Variants in RANBP3L observed in about 807,000 individuals in gnomAD.
RANBP3L encodes the protein RAN binding protein 3 like.
A neutral mutation model predicts 67.2 loss-of-function variants in RANBP3L; 56 were observed. The ratio of observed to expected loss-of-function variants is 0.83; its 90% confidence interval spans 0.67 to 1.04. The LOEUF (loss-of-function observed/expected upper bound fraction) is 1.04, where lower values mean the gene tolerates loss of function less well. Among genes scored for constraint, RANBP3L ranks in the 50% least tolerant of loss-of-function variants. The pLI, the probability that RANBP3L is intolerant of heterozygous loss-of-function variation, is 0.00. For synonymous variants in RANBP3L, 164 were observed against 181.4 expected, an observed-to-expected ratio of 0.90 and a Z score of 0.77; for missense variants, 496 against 535.5, an observed-to-expected ratio of 0.93 and a Z score of 0.73.
Position 36,265,039 on chromosome 5 carries a change from G to T in RANBP3L, c.400C>A (p.Arg134=), listed in dbSNP as rs267600614. 3.1e-6 allele frequency: 5 copies of T among 1,613,098 alleles called. No homozygotes were observed. Among genetic ancestry groups the T allele is most frequent in the Non-Finnish European group, 4.2e-6 (5 of 1,179,346 alleles). Residue 134 remains arginine (R), a synonymous_variant, in exon 6 of 14, where the codon CGA becomes AGA. Transcript: ENST00000296604. The part of the protein sequence containing the change: ...RPAILQLPQA[R]SCAKVRKTFG... ...GTTTTTCTTACTTTTGCACAACTTC[G>T]AGCTTGAGGTAGCTGCAAAATAGCA...
At chr5:36,256,400 G>A (rs1322827568) in intron 10 of RANBP3L, among the ~76,000 whole-genome samples, 1 of 152,066 alleles carries the variant, frequency 6.6e-6, no homozygotes, top group African/African-American at 2.4e-5. Flanking sequence ...AAAGGGTAAA[G>A]TTGTAGTAAT....
chr5:36,286,095 T>C (rs563476984), intron 1 of RANBP3L, among the ~76,000 whole-genome samples: 1 of 152,324 alleles, frequency 6.6e-6, no homozygotes, highest in East Asian at 1.9e-4. Context: ...GTTTGGGACA[T>C]TGTATGCAGT....
chr5:36,279,311 T>G (rs1400838345), intron 1 of RANBP3L, among the ~76,000 whole-genome samples: 1 of 152,184 alleles, frequency 6.6e-6, no homozygotes, highest in Admixed American at 6.6e-5. Flanking sequence ...TGTACTTGTT[T>G]CTACTTATTT....
chr5:36,249,612 G>A lies in RANBP3L; in HGVS notation c.*42C>T. On this transcript the variant is annotated 3_prime_UTR_variant, in exon 14 of 14. Coordinates refer to ENST00000296604, the MANE Select transcript of RANBP3L (RefSeq NM_145000.5). The stretch of plus-strand genomic sequence containing the variant: ...GGTGGTTTAGTATTTTCAGTAGGGT[G>A]ACCCCTCTTTTTGTAGATGTCATGT... 2 of 1,122,510 alleles carry A rather than the reference G, an allele frequency of 1.8e-6. No individual in the cohort carries two copies. The highest frequency in any genetic ancestry group is 1.6e-5 in the South Asian group (1 of 60,898). 69.5% of individuals were successfully genotyped at this position (1,122,510 alleles called of 1,614,324 possible). A position where few individuals can be genotyped will look rare whatever the true frequency, so the allele number is the denominator to read the frequency against.
intron 1 of RANBP3L, among the ~76,000 whole-genome samples, chr5:36,274,294 C>T (rs528099693): frequency 2.6e-5 from 4 of 152,010 alleles, no homozygotes; most frequent in East Asian, 1.9e-4. Context: ...TAATTAATTA[C>T]GCAATTATTG....
intron 1 of RANBP3L, among the ~76,000 whole-genome samples, chr5:36,272,628 T>G (rs1244269049): frequency 1.3e-5 from 2 of 151,968 alleles, no homozygotes; most frequent in African/African-American, 2.4e-5. Flanking sequence ...TTTAGTGGGG[T>G]TTTTTTGTTT....
intron 1 of RANBP3L, among the ~76,000 whole-genome samples, chr5:36,284,552 T>C (rs1751195955): frequency 6.6e-6 from 1 of 152,226 alleles, no homozygotes; most frequent in African/African-American, 2.4e-5. Context: ...GTGACTATTA[T>C]TTAGCCCTTT....
intron 1 of RANBP3L, among the ~76,000 whole-genome samples, chr5:36,299,851 T>C (rs1261857524): frequency 6.6e-6 from 1 of 152,198 alleles, no homozygotes; most frequent in South Asian, 2.1e-4. Context: ...TGTCATTAAA[T>C]TAAAAAGCAG....
At chr5:36,250,522 T>A (rs974437948) in intron 13 of RANBP3L, among the ~76,000 whole-genome samples, 4 of 152,050 alleles carry the variant, frequency 2.6e-5, no homozygotes, top group Non-Finnish European at 4.4e-5. Flanking sequence ...TCAAAATGAT[T>A]AAGAGTTGAA....
chr5:36,250,113 A>G (rs575488972), intron 13 of RANBP3L, among the ~76,000 whole-genome samples: 2 of 152,090 alleles, frequency 1.3e-5, no homozygotes, highest in South Asian at 2.1e-4. Flanking sequence ...CAGAATATAG[A>G]TATCATAAAC....
At chr5:36,294,632 T>G (rs1024893914) in intron 1 of RANBP3L, among the ~76,000 whole-genome samples, 2 of 151,968 alleles carry the variant, frequency 1.3e-5, no homozygotes, top group African/African-American at 4.8e-5. Flanking sequence ...AAAGAACATT[T>G]TTATTTCTGC....
chr5:36,287,408 G>A (rs1427720938), intron 1 of RANBP3L, among the ~76,000 whole-genome samples: 1 of 152,152 alleles, frequency 6.6e-6, no homozygotes, highest in Non-Finnish European at 1.5e-5. Context: ...CGAGAACAGT[G>A]CCTGATAAAT....
chr5:36,292,185 G>A (rs1408543695), intron 1 of RANBP3L, among the ~76,000 whole-genome samples: 1 of 152,144 alleles, frequency 6.6e-6, no homozygotes, highest in Non-Finnish European at 1.5e-5. Flanking sequence ...TTTTTTGGCT[G>A]CATAAATGTC....
chr5:36,250,123 CAT>C (rs1477004684), intron 13 of RANBP3L, among the ~76,000 whole-genome samples: 6 of 152,002 alleles, frequency 3.9e-5, no homozygotes, highest in Non-Finnish European at 5.9e-5. Context: ...ATATCATAAA[CAT>C]GTGTCATTAG....
At chr5:36,264,616 G>A (rs1749624895) in intron 6 of RANBP3L, among the ~76,000 whole-genome samples, 1 of 152,198 alleles carries the variant, frequency 6.6e-6, no homozygotes, top group African/African-American at 2.4e-5. Flanking sequence ...AGTTGGCGAT[G>A]TAGAGAAAAT....
rs1168559779 is a variant in RANBP3L at position 36,301,685 on chromosome 5, C to CTAAACCTCCTTATAGAGTA, written c.-270_-269insTACTCTATAAGGAGGTTTA. 9 of 370,308 alleles carry CTAAACCTCCTTATAGAGTA rather than the reference C, an allele frequency of 2.4e-5. No homozygotes were observed. In the South Asian group the frequency reaches 4.4e-4, roughly 18 times the overall value. 22.9% of individuals were successfully genotyped at this position (370,308 alleles called of 1,614,324 possible). ...ACAACTTAATTCCTTCATTTCAAAA[C>CTAAACCTCCTTATAGAGTA]AAATTGAAACTAAACCTCCTTATAG... On this transcript the variant is annotated 5_prime_UTR_variant, in exon 1 of 14. Coordinates refer to ENST00000296604, the MANE Select transcript of RANBP3L (RefSeq NM_145000.5).
At chr5:36,294,460 C>G (rs1313185045) in intron 1 of RANBP3L, among the ~76,000 whole-genome samples, 1 of 151,814 alleles carries the variant, frequency 6.6e-6, no homozygotes, top group Non-Finnish European at 1.5e-5. Flanking sequence ...AATGTGTTTG[C>G]TCTTGCTTTT....
intron 11 of RANBP3L, 106 bp from the exon 12 acceptor site, chr5:36,253,895 T>G (rs1748778840): frequency 1.6e-5 from 17 of 1,063,504 alleles, no homozygotes; most frequent in Non-Finnish European, 2.1e-5. Context: ...AGACTGTAGA[T>G]TCAATACTAA....
intron 4 of RANBP3L, among the ~76,000 whole-genome samples, chr5:36,266,453 G>T (rs192262476): frequency 2.0e-5 from 3 of 152,064 alleles, no homozygotes; most frequent in Non-Finnish European, 2.9e-5. Context: ...ATTCTTTAAG[G>T]TGTTATAAAT....
Sources: allele counts gnomAD v4.1 joint callset (sites outside exome capture counted in the v4.1 genomes callset), GRCh38; gene constraint gnomAD v4.1.1; transcripts MANE v1.5; gene names NCBI Gene and HGNC (gene_info 2026-07-23, HGNC 2026-07-21).